Variants in BMP5 observed in about 807,000 individuals in gnomAD.
The protein encoded by BMP5 is bone morphogenetic protein 5.
In BMP5, 23 loss-of-function variants were observed where a neutral mutation model predicts 46.6. The observed-to-expected ratio is 0.49, with a 90% CI of 0.35 to 0.70. BMP5 has a LOEUF of 0.70. Among genes scored for constraint, BMP5 ranks in the 30% least tolerant of loss-of-function variants. The probability of loss-of-function intolerance (pLI) is 0.00; values close to 1 mark genes in which losing one functional copy is unlikely to be tolerated. For synonymous variants in BMP5, 204 were observed against 191.9 expected (o/e 1.06, Z -0.52); for missense variants, 545 against 565.6 (o/e 0.96, Z 0.37).
At chr6:55,798,342 G>GT (rs1005064942) in intron 2 of BMP5, among the ~76,000 whole-genome samples, 69 of 152,162 alleles carry the variant, frequency 4.5e-4, no homozygotes, top group African/African-American at 1.6e-3. Flanking sequence ...AATAAAGCGG[G>GT]TTTTTTTAAG....
chr6:55,808,814 C>T (rs1485363561), intron 2 of BMP5, among the ~76,000 whole-genome samples: 2 of 152,172 alleles, frequency 1.3e-5, no homozygotes, highest in Non-Finnish European at 2.9e-5. Flanking sequence ...GTTCTGATGA[C>T]AGAACCTGGA....
At chr6:55,852,948 G>A (rs1206360377) in intron 1 of BMP5, among the ~76,000 whole-genome samples, 2 of 151,728 alleles carry the variant, frequency 1.3e-5, no homozygotes, top group African/African-American at 2.4e-5. Context: ...TGGCTAACGC[G>A]GTGAAGCCCC....
intron 1 of BMP5, among the ~76,000 whole-genome samples, chr6:55,833,924 AAC>A (rs1168650064): frequency 6.6e-6 from 1 of 152,204 alleles, no homozygotes; most frequent in Non-Finnish European, 1.5e-5. Context: ...AAATTTTAAT[AAC>A]AGTTATGAGA....
chr6:55,844,425 A>G (rs1437147726), intron 1 of BMP5, among the ~76,000 whole-genome samples: 3 of 152,060 alleles, frequency 2.0e-5, no homozygotes, highest in Non-Finnish European at 2.9e-5. Context: ...TCATAAAGCT[A>G]TACAATTTTA....
chr6:55,797,614 C>CT (rs60366569), intron 2 of BMP5, among the ~76,000 whole-genome samples: 10,261 of 110,586 alleles, frequency 0.093, 612 homozygotes, highest in African/African-American at 0.12. Context: ...ATTTTCTTTT[C>CT]TTTTTTTTTT....
In BMP5 at chr6:55,856,301, C is replaced by T. The variant is rs137880340; in HGVS notation, c.490+18075G>A. On this transcript the variant is annotated intron_variant, in intron 1 of 6. Transcript: ENST00000370830. Reference sequence around the variant, plus strand: ...CACTGAAGGATGTTTAAGTTGTTTCCAGTTTTGGAGAATTGTGAATACAAT... The same window carrying T: ...CACTGAAGGATGTTTAAGTTGTTTCTAGTTTTGGAGAATTGTGAATACAAT... 2.4e-3 allele frequency among the ~76,000 whole-genome samples: 367 copies of T among 152,162 alleles called. 2 individuals are homozygous for T. The highest frequency in any genetic ancestry group is 8.0e-3 in the African/African-American group (333 of 41,522).
At chr6:55,781,595 A>G (rs939729902) in intron 3 of BMP5, among the ~76,000 whole-genome samples, 1 of 151,040 alleles carries the variant, frequency 6.6e-6, no homozygotes, top group African/African-American at 2.4e-5. Context: ...ACCAGCTACT[A>G]TATTATTCCA....
At chr6:55,844,755 T>C (rs1306233972) in intron 1 of BMP5, among the ~76,000 whole-genome samples, 1 of 151,902 alleles carries the variant, frequency 6.6e-6, no homozygotes, top group Non-Finnish European at 1.5e-5. Flanking sequence ...ATAAGTAGTT[T>C]TGAAACTCTA....
intron 5 of BMP5, 27 bp from the exon 6 acceptor site, chr6:55,759,142 CACAAAAA>C (rs1774691911): frequency 8.4e-6 from 1 of 119,554 alleles, no homozygotes; most frequent in Non-Finnish European, 1.4e-5. Flanking sequence ...CACACACACA[CACAAAAA>C]AAAAAAAAAA....
intron 2 of BMP5, among the ~76,000 whole-genome samples, chr6:55,811,994 G>T (rs970501966): frequency 6.6e-6 from 1 of 152,036 alleles, no homozygotes; most frequent in African/African-American, 2.4e-5. Flanking sequence ...CTATTTACTC[G>T]GCCTTATGTC....
In BMP5 at chr6:55,755,559, C is replaced by T. The variant is rs757210060; in HGVS notation, c.1339G>A (p.Val447Ile). The change falls in exon 7 of 7, where the codon GTA (valine) becomes ATA (isoleucine). Residue 447 changes from valine to isoleucine, a missense_variant. By Grantham distance (29) the Val-to-Ile change is conservative. Coordinates refer to ENST00000370830, the MANE Select transcript of BMP5 (RefSeq NM_021073.4). The part of the protein sequence containing the change: ...NVILKKYRNM[V>I]VRSCGCH ...TAGTGGCAGCCACATGAGCGTACTA[C>T]CATATTTCTATATTTTTTCAAAATG... is the stretch of plus-strand genomic sequence containing the variant. 1 of 1,610,888 alleles carries T rather than the reference C, an allele frequency of 6.2e-7. No individual in the cohort carries two copies. The highest frequency in any genetic ancestry group is 8.5e-7 in the Non-Finnish European group (1 of 1,177,854).
At chr6:55,865,196 T>C (rs1355047039) in intron 1 of BMP5, among the ~76,000 whole-genome samples, 1 of 152,142 alleles carries the variant, frequency 6.6e-6, no homozygotes, top group Non-Finnish European at 1.5e-5. Flanking sequence ...AGTTGACTTA[T>C]GAAAATAAGC....
intron 4 of BMP5, among the ~76,000 whole-genome samples, chr6:55,773,245 C>T (rs1046048206): frequency 3.3e-5 from 5 of 151,872 alleles, no homozygotes; most frequent in African/African-American, 1.2e-4. Context: ...GGATGAGTTC[C>T]CCCTTCAAAT....
chr6:55,811,732 T>A (rs1776140052), intron 2 of BMP5, among the ~76,000 whole-genome samples: 1 of 151,784 alleles, frequency 6.6e-6, no homozygotes, highest in Non-Finnish European at 1.5e-5. Context: ...CTTTCCCCAT[T>A]TGTTGTTTTG....
At chr6:55,760,746 C>A in intron 4 of BMP5, among the ~76,000 whole-genome samples, 1 of 151,910 alleles carries the variant, frequency 6.6e-6, no homozygotes, top group East Asian at 1.9e-4. Flanking sequence ...GTAGACAATA[C>A]CATTTACCTG....
At chr6:55,854,228 G>C (rs1020112097) in intron 1 of BMP5, among the ~76,000 whole-genome samples, 1 of 152,028 alleles carries the variant, frequency 6.6e-6, no homozygotes, top group African/African-American at 2.4e-5. Context: ...ATTTTATCAA[G>C]TAGGAGTGAA....
chr6:55,758,119 C>T (rs770579240), intron 6 of BMP5, among the ~76,000 whole-genome samples: 9 of 151,920 alleles, frequency 5.9e-5, no homozygotes, highest in Non-Finnish European at 1.0e-4. Flanking sequence ...CTCTTACTGG[C>T]GTCCACCAAA....
At chr6:55,784,348 AT>A (rs1775396313) in intron 3 of BMP5, among the ~76,000 whole-genome samples, 1 of 151,918 alleles carries the variant, frequency 6.6e-6, no homozygotes, top group Admixed American at 6.6e-5. Flanking sequence ...AAAAAAGACT[AT>A]TTTTAAAATA....
intron 1 of BMP5, among the ~76,000 whole-genome samples, chr6:55,866,509 T>C (rs184799706): frequency 6.6e-6 from 1 of 152,220 alleles, no homozygotes; most frequent in Non-Finnish European, 1.5e-5. Flanking sequence ...AAAAAAGCTT[T>C]AACACACAGT....
Sources: allele counts gnomAD v4.1 joint callset (sites outside exome capture counted in the v4.1 genomes callset), GRCh38; gene constraint gnomAD v4.1.1; transcripts MANE v1.5; gene names NCBI Gene and HGNC (gene_info 2026-07-23, HGNC 2026-07-21).